Variants in NTAQ1 observed in about 807,000 individuals in gnomAD.
NTAQ1 encodes the protein protein N-terminal glutamine amidohydrolase.
Under a neutral mutation model 28.2 loss-of-function variants are expected in NTAQ1, and 21 were observed. The ratio of observed to expected loss-of-function variants is 0.74; its 90% confidence interval spans 0.53 to 1.07. The LOEUF is 1.07. Ranked by LOEUF, NTAQ1 falls within the 50% of genes least tolerant of loss-of-function variation. NTAQ1 has a pLI of 0.00. For missense variants in NTAQ1, 264 were observed against 256.6 expected (o/e 1.03, Z -0.20); for synonymous variants, 105 against 90.0 (o/e 1.17, Z -0.94).
chr8:123,419,181 C>T (rs1813513685), intron 1 of NTAQ1, among the ~76,000 whole-genome samples: 1 of 149,746 alleles, frequency 6.7e-6, no homozygotes, highest in African/African-American at 2.5e-5. Flanking sequence ...TCACTGCAGC[C>T]TCCACCTCCC....
intron 6 of NTAQ1, among the ~76,000 whole-genome samples, chr8:123,465,574 CTTTTTTTTTTTTT>C (rs71310691): frequency 1.3e-5 from 1 of 78,560 alleles, no homozygotes; most frequent in Non-Finnish European, 2.2e-5. Flanking sequence ...AGCATAACAT[CTTTTTTTTTTTTT>C]TTTTTTTTTT....
Position 123,416,910 on chromosome 8 carries a change from T to A in NTAQ1, c.61T>A (p.Cys21Ser). 1 of 1,524,256 alleles carries A rather than the reference T, an allele frequency of 6.6e-7. No homozygotes were observed. The highest frequency in any genetic ancestry group is 8.8e-7 in the Non-Finnish European group (1 of 1,136,982). The allele number at this position is 1,524,256 out of a possible 1,614,324, so 94.4% of individuals were successfully genotyped here. A position where few individuals can be genotyped will look rare whatever the true frequency, so the allele number is the denominator to read the frequency against. ...GCCGGCCAGCCCCCCGCGGGACGCC[T>A]GCGTCTACAGCAGCTGCTACTGGTG... ...YQPASPPRDACVYSSCYCEEN... is the reference protein window; with the variant it reads ...YQPASPPRDASVYSSCYCEEN... The change falls in exon 1 of 6, where the codon TGC (cysteine) becomes AGC (serine). Residue 21 changes from cysteine to serine, a missense_variant. Coordinates refer to ENST00000287387, the MANE Select transcript of NTAQ1 (RefSeq NM_018024.3).
At chr8:123,422,866 G>A (rs1813792177) in intron 1 of NTAQ1, among the ~76,000 whole-genome samples, 1 of 152,104 alleles carries the variant, frequency 6.6e-6, no homozygotes, top group African/African-American at 2.4e-5. Context: ...CATATGGTTA[G>A]CCAGCTATCC....
chr8:123,474,878 ACT>A (rs1185613013), downstream of NTAQ1, among the ~76,000 whole-genome samples: 3 of 152,202 alleles, frequency 2.0e-5, no homozygotes, highest in African/African-American at 4.8e-5. Context: ...TAAGAGCAAA[ACT>A]CTGTCTCAAA....
downstream of NTAQ1, among the ~76,000 whole-genome samples, chr8:123,445,362 T>C (rs940365875): frequency 6.6e-6 from 1 of 152,192 alleles, no homozygotes; most frequent in Non-Finnish European, 1.5e-5. Flanking sequence ...CATTTTACTT[T>C]TTAAAGTTAA....
At chr8:123,438,113 G>A (rs1315104696) in intron 5 of NTAQ1, 5 of 698,090 alleles carry the variant, frequency 7.2e-6, no homozygotes, top group Non-Finnish European at 1.3e-5. Flanking sequence ...TGTACCACTT[G>A]TCTCATTTAT....
At chr8:123,445,334 A>G (rs1379696398), downstream of NTAQ1, among the ~76,000 whole-genome samples, 1 of 151,202 alleles carries the variant, frequency 6.6e-6, no homozygotes, top group Non-Finnish European at 1.5e-5. Flanking sequence ...TTTTCCCTTC[A>G]CTAAACAAAG....
At chr8:123,454,085 T>C (rs1433819246) in intron 6 of NTAQ1, among the ~76,000 whole-genome samples, 2 of 152,222 alleles carry the variant, frequency 1.3e-5, no homozygotes, top group African/African-American at 4.8e-5. Flanking sequence ...CCACCTGAAG[T>C]AACTTACCCT....
downstream of NTAQ1, among the ~76,000 whole-genome samples, chr8:123,449,960 T>TG (rs1427256895): frequency 1.3e-4 from 7 of 54,748 alleles, 2 homozygotes; most frequent in African/African-American, 1.9e-4. Flanking sequence ...CATATATATA[T>TG]ATATATATAT....
At chr8:123,437,983 T>C (rs1563893541) in intron 5 of NTAQ1, 4 of 561,244 alleles carry the variant, frequency 7.1e-6, no homozygotes, top group African/African-American at 1.9e-5. Context: ...CACCTTGCCA[T>C]GGTAGGGTTT....
At chr8:123,418,785 A>C (rs186133465) in intron 1 of NTAQ1, among the ~76,000 whole-genome samples, 25 of 152,174 alleles carry the variant, frequency 1.6e-4, no homozygotes, top group African/African-American at 6.0e-4. Flanking sequence ...AGAGATGACC[A>C]CTCTACCACA....
chr8:123,449,396 A>C (rs759202839), downstream of NTAQ1, among the ~76,000 whole-genome samples: 4 of 152,148 alleles, frequency 2.6e-5, no homozygotes, highest in Non-Finnish European at 2.9e-5. Context: ...GATTTGCAGA[A>C]ATTCTTCATG....
At chr8:123,433,906 A>T (rs1209445411) in intron 3 of NTAQ1, among the ~76,000 whole-genome samples, 1 of 139,264 alleles carries the variant, frequency 7.2e-6, no homozygotes, top group Admixed American at 8.0e-5. Context: ...TTCTTAAAAC[A>T]TTATGAAATT....
exon 7 of NTAQ1, among the ~76,000 whole-genome samples, chr8:123,468,220 A>G (rs1816002951): frequency 6.6e-6 from 1 of 152,192 alleles, no homozygotes; most frequent in South Asian, 2.1e-4. Context: ...TTATTTATGT[A>G]TTTATCTATT....
At chr8:123,429,697 T>G (rs1814275715) in intron 2 of NTAQ1, among the ~76,000 whole-genome samples, 1 of 151,936 alleles carries the variant, frequency 6.6e-6, no homozygotes, top group African/African-American at 2.4e-5. Flanking sequence ...AAACCTTGTG[T>G]CAAAACCCTT....
At chr8:123,425,332 T>C (rs1243970951) in intron 1 of NTAQ1, among the ~76,000 whole-genome samples, 1 of 152,040 alleles carries the variant, frequency 6.6e-6, no homozygotes, top group Non-Finnish European at 1.5e-5. Context: ...CCTCAGGTGA[T>C]CCACGTGCCT....
chr8:123,442,661 A>C (rs1003330177), downstream of NTAQ1, among the ~76,000 whole-genome samples: 2 of 151,700 alleles, frequency 1.3e-5, no homozygotes, highest in Admixed American at 6.6e-5. Flanking sequence ...GGAGGGTACA[A>C]ATGTAACCAT....
At chr8:123,433,820 T>G (rs1268834625) in intron 3 of NTAQ1, among the ~76,000 whole-genome samples, 1 of 152,220 alleles carries the variant, frequency 6.6e-6, no homozygotes, top group African/African-American at 2.4e-5. Flanking sequence ...TAGACCAAGC[T>G]TGTCTAACCT....
At position 123,432,344 on chromosome 8, in the gene NTAQ1, C is replaced by G. The variant is rs113890871; in HGVS notation, c.234+2311C>G. On this transcript the variant is annotated intron_variant, in intron 3 of 5. Transcript: ENST00000287387. ...CCACATTAGCCATTTAAAATCATTC[C>G]TATAATAATTTCAGGTTGGGCGTGG... Among the ~76,000 whole-genome samples, 511 of 152,182 alleles carry G rather than the reference C, an allele frequency of 3.4e-3. 3 individuals are homozygous for G. Among genetic ancestry groups the G allele is most frequent in the African/African-American group, 0.012 (484 of 41,516 alleles).
Sources: allele counts gnomAD v4.1 joint callset (sites outside exome capture counted in the v4.1 genomes callset), GRCh38; gene constraint gnomAD v4.1.1; transcripts MANE v1.5; gene names NCBI Gene and HGNC (gene_info 2026-07-23, HGNC 2026-07-21).